ANXA2: variants seen among roughly 807,000 people sequenced by gnomAD.
ANXA2 encodes the protein annexin II.
ANXA2 carries 28 observed loss-of-function variants against 47.3 expected under a neutral mutation model. The ratio of observed to expected loss-of-function variants is 0.59; its 90% CI spans 0.44 to 0.81. ANXA2 has a LOEUF of 0.81. ANXA2 is among the 40% of genes least tolerant of loss of function. ANXA2 has a pLI of 0.00. For missense variants in ANXA2, 384 were observed against 414.3 expected, an observed-to-expected ratio of 0.93 and a Z score of 0.64; for synonymous variants, 172 against 155.5, an observed-to-expected ratio of 1.11 and a Z score of -0.79.
At chr15:60,381,242 C>T (rs1393207894) in intron 3 of ANXA2, among the ~76,000 whole-genome samples, 3 of 152,102 alleles carry the variant, frequency 2.0e-5, no homozygotes, top group Non-Finnish European at 4.4e-5. Context: ...TAAGTTAAAA[C>T]GCTGTACATA....
intron 4 of ANXA2, chr15:60,362,861 A>G (rs1166955540): frequency 1.3e-5 from 2 of 151,850 alleles, no homozygotes; most frequent in South Asian, 4.2e-4. Context: ...TGTTCTACAT[A>G]TATCTAATCT....
rs1400357637 is a variant in ANXA2, at chr15:60,347,165, T to C, written c.*465A>G. The C allele has an allele frequency of 6.5e-6, 1 of 154,274 alleles. No individual in the cohort carries two copies. The highest frequency in any genetic ancestry group is 1.4e-5 in the Non-Finnish European group (1 of 69,500). The allele number at this position is 154,274 out of a possible 1,614,324, so 9.6% of individuals were successfully genotyped here. A position where few individuals can be genotyped will look rare whatever the true frequency, so the allele number is the denominator to read the frequency against. ...GACTCAGGAACTGATTTTATTTTATTTTATTTCATTTAAATTTAACTTAAA... is the reference window on the plus strand; with the variant it reads ...GACTCAGGAACTGATTTTATTTTATCTTATTTCATTTAAATTTAACTTAAA... On this transcript the variant is annotated 3_prime_UTR_variant, in exon 13 of 13. Coordinates refer to ENST00000451270, the MANE Select transcript of ANXA2 (RefSeq NM_004039.3).
Position 60,347,563 on chromosome 15 carries a change from G to T in ANXA2, c.*67C>A, listed in dbSNP as rs909930441. ...CACGGGGACTGTTATTCGCAAGCTG[G>T]TTTTCTAGACCTGTTAGCTGGAAGC... On this transcript the variant is annotated 3_prime_UTR_variant, in exon 13 of 13. Coordinates refer to ENST00000451270, the MANE Select transcript of ANXA2 (RefSeq NM_004039.3). 2 of 1,541,640 alleles carry T rather than the reference G, an allele frequency of 1.3e-6. No homozygotes were observed. Among genetic ancestry groups the T allele is most frequent in the African/African-American group, 2.7e-5 (2 of 73,316 alleles).
At chr15:60,368,011 T>C (rs376553239) in intron 3 of ANXA2, among the ~76,000 whole-genome samples, 24 of 122,916 alleles carry the variant, frequency 2.0e-4, no homozygotes, top group African/African-American at 7.1e-4. Flanking sequence ...TGTGACCTTA[T>C]CCCCAACCCT....
intron 1 of ANXA2, among the ~76,000 whole-genome samples, chr15:60,395,246 T>G (rs2140947392): frequency 6.6e-6 from 1 of 152,300 alleles, no homozygotes; most frequent in East Asian, 1.9e-4. Flanking sequence ...TCCGCCAGAT[T>G]TAAGGTCTAA....
chr15:60,351,106 A>C, intron 11 of ANXA2, 87 bp downstream of exon 11: 1 of 1,419,830 alleles, frequency 7.0e-7, no homozygotes, highest in South Asian at 1.2e-5. Flanking sequence ...CCCTTCCTCC[A>C]TCCATGAATC....
At chr15:60,385,045 C>G (rs1035026312) in intron 2 of ANXA2, among the ~76,000 whole-genome samples, 1 of 152,068 alleles carries the variant, frequency 6.6e-6, no homozygotes, top group African/African-American at 2.4e-5. Flanking sequence ...TTTAACTTCA[C>G]ATATAGCTTA....
At chr15:60,390,399 C>T in intron 1 of ANXA2, 1 of 610,296 alleles carries the variant, frequency 1.6e-6, no homozygotes, top group Non-Finnish European at 2.8e-6. Context: ...ACCCACTGGG[C>T]TTTCTGTAAG....
At chr15:60,378,162 T>A (rs1675635751) in intron 3 of ANXA2, among the ~76,000 whole-genome samples, 1 of 152,152 alleles carries the variant, frequency 6.6e-6, no homozygotes, top group South Asian at 2.1e-4. Context: ...CCATTTCTAT[T>A]TCTTGATGCA....
chr15:60,394,264 G>A (rs1007957523), intron 1 of ANXA2, among the ~76,000 whole-genome samples: 2 of 152,152 alleles, frequency 1.3e-5, no homozygotes, highest in African/African-American at 4.8e-5. Flanking sequence ...GCCTGGGTGT[G>A]GCAGGGAGAC....
chr15:60,350,443 T>C (rs931205296), intron 11 of ANXA2, among the ~76,000 whole-genome samples: 1 of 152,152 alleles, frequency 6.6e-6, no homozygotes, highest in Non-Finnish European at 1.5e-5. Flanking sequence ...TCTAATGATA[T>C]GTGCAATAAA....
intron 1 of ANXA2, among the ~76,000 whole-genome samples, chr15:60,387,838 A>G (rs532252972): frequency 6.6e-6 from 1 of 152,220 alleles, no homozygotes; most frequent in East Asian, 1.9e-4. Flanking sequence ...ACAGGGGAAC[A>G]TGGGCATTCT....
intron 10 of ANXA2, 96 bp from the exon 11 acceptor site, chr15:60,351,347 G>C: frequency 8.0e-7 from 1 of 1,249,648 alleles, no homozygotes; most frequent in Non-Finnish European, 1.2e-6. Flanking sequence ...CAAACCAGAA[G>C]TGACCTAATG....
At chr15:60,394,984 T>G (rs1209422945) in intron 1 of ANXA2, among the ~76,000 whole-genome samples, 3 of 148,964 alleles carry the variant, frequency 2.0e-5, no homozygotes, top group African/African-American at 7.6e-5. Context: ...GTGAAGAGGA[T>G]TCTCATGTGA....
At chr15:60,363,287 T>C (rs920209206) in intron 4 of ANXA2, among the ~76,000 whole-genome samples, 5 of 152,194 alleles carry the variant, frequency 3.3e-5, no homozygotes, top group Non-Finnish European at 7.3e-5. Context: ...AAGAAGAATT[T>C]TAATGCACTT....
At chr15:60,357,115 G>A (rs2062442353) in intron 6 of ANXA2, 31 bp downstream of exon 6, 1 of 1,598,924 alleles carries the variant, frequency 6.3e-7, no homozygotes, top group Non-Finnish European at 8.6e-7. Context: ...ATTGGGCTGA[G>A]AGGATGAATC....
chr15:60,353,982 G>C lies in ANXA2; in HGVS notation c.588+172C>G, dbSNP rs140541154. 9.3e-4 allele frequency among the ~76,000 whole-genome samples: 141 copies of C among 152,220 alleles called. 2 individuals are homozygous for C. In the East Asian group the frequency reaches 0.026, roughly 28 times the overall value. ...GAAAAGACCCTGAGCCAGAACAATT[G>C]GGCTAATCTACTCCTCAATTCCTGA... On this transcript the variant is annotated intron_variant, in intron 8 of 12. Transcript: ENST00000451270.
At chr15:60,372,614 G>C (rs1173740374) in intron 3 of ANXA2, among the ~76,000 whole-genome samples, 1 of 150,970 alleles carries the variant, frequency 6.6e-6, no homozygotes, top group Admixed American at 6.6e-5. Flanking sequence ...TGGTCCAGTA[G>C]AAAAGATAAC....
chr15:60,347,691 T>C lies in ANXA2; in HGVS notation c.961-2A>G, dbSNP rs1304783229. The C allele has an allele frequency of 1.9e-6, 3 of 1,614,100 alleles. No individual in the cohort carries two copies. Among genetic ancestry groups the C allele is most frequent in the Non-Finnish European group, 2.5e-6 (3 of 1,179,980 alleles). ...CTGGTAGTCGCCCTTAGTGTCTTGC[T>C]ACAATGGCCCAGGAAAGAAAAGAAA... On this transcript the variant is annotated splice_acceptor_variant, in intron 12 of 12. Coordinates refer to ENST00000451270, the MANE Select transcript of ANXA2 (RefSeq NM_004039.3). LOFTEE classifies it high-confidence loss of function.
Sources: allele counts gnomAD v4.1 joint callset (sites outside exome capture counted in the v4.1 genomes callset), GRCh38; gene constraint gnomAD v4.1.1; transcripts MANE v1.5; gene names NCBI Gene and HGNC (gene_info 2026-07-23, HGNC 2026-07-21).